PTH2R: variants seen among roughly 807,000 people sequenced by gnomAD.
PTH2R encodes the protein parathyroid hormone 2 receptor.
In PTH2R, 59 loss-of-function variants were observed where a neutral mutation model predicts 60.3. The ratio of observed to expected loss-of-function variants is 0.98; its 90% CI spans 0.79 to 1.22. The LOEUF is 1.22. Among genes scored for constraint, PTH2R ranks in the 50% most tolerant of loss-of-function variants. PTH2R has a pLI of 0.00. For missense variants in PTH2R, 749 were observed against 682.6 expected (o/e 1.10, Z -1.08); for synonymous variants, 256 against 243.8 (o/e 1.05, Z -0.47).
At position 208,426,315 on chromosome 2, in the gene PTH2R, A is replaced by G. The variant is rs1041903484; in HGVS notation, c.76-1886A>G. Among the ~76,000 whole-genome samples the G allele has an allele frequency of 4.6e-5, 7 of 152,218 alleles. No homozygotes were observed. In the East Asian group the frequency reaches 7.7e-4, roughly 17 times the overall value. On this transcript the variant is annotated intron_variant, in intron 1 of 12. Transcript: ENST00000272847. ...TACTAACATCTATTTTTCTAAATGTAACATTTTGTTTTGGGTGCAATTGTT... is the reference window on the plus strand; with the variant it reads ...TACTAACATCTATTTTTCTAAATGTGACATTTTGTTTTGGGTGCAATTGTT...
intron 1 of PTH2R, among the ~76,000 whole-genome samples, chr2:208,374,520 T>G (rs187531870): frequency 1.3e-5 from 2 of 152,248 alleles, no homozygotes; most frequent in East Asian, 3.8e-4. Flanking sequence ...TTATTTACTT[T>G]GAGATGGAGT....
At chr2:208,486,780 C>T (rs188012596) in intron 10 of PTH2R, among the ~76,000 whole-genome samples, 207 of 152,288 alleles carry the variant, frequency 1.4e-3, no homozygotes, top group Non-Finnish European at 2.4e-3. Flanking sequence ...GGAGCCCTGA[C>T]GGTTGAAAGG....
chr2:208,454,334 A>G (rs966128967), intron 8 of PTH2R, among the ~76,000 whole-genome samples: 1 of 152,112 alleles, frequency 6.6e-6, no homozygotes, highest in Non-Finnish European at 1.5e-5. Flanking sequence ...ATGTGACTCT[A>G]TTTGGAGATA....
intron 1 of PTH2R, among the ~76,000 whole-genome samples, chr2:208,418,213 A>G (rs1004997873): frequency 6.6e-6 from 1 of 152,116 alleles, no homozygotes; most frequent in Non-Finnish European, 1.5e-5. Flanking sequence ...CAAAAAAGAA[A>G]GCTTTACTAA....
chr2:208,489,225 T>C (rs1314063017), intron 11 of PTH2R, 75 bp downstream of exon 11: 8 of 1,562,972 alleles, frequency 5.1e-6, no homozygotes, highest in Non-Finnish European at 7.0e-6. Flanking sequence ...ACAACCTTTT[T>C]CTCTGCACTC....
chr2:208,460,529 C>T (rs1040067541), intron 9 of PTH2R, among the ~76,000 whole-genome samples: 1 of 152,132 alleles, frequency 6.6e-6, no homozygotes, highest in African/African-American at 2.4e-5. Flanking sequence ...TACTTTTTCA[C>T]TAACCTAATA....
intron 12 of PTH2R, 85 bp downstream of exon 12, chr2:208,490,765 A>T: frequency 7.8e-7 from 1 of 1,278,972 alleles, no homozygotes; most frequent in Non-Finnish European, 1.1e-6. Flanking sequence ...TAGAATTTCC[A>T]GGATTTCCAG....
chr2:208,422,906 A>C (rs1701785387), intron 1 of PTH2R, among the ~76,000 whole-genome samples: 1 of 152,092 alleles, frequency 6.6e-6, no homozygotes, highest in Non-Finnish European at 1.5e-5. Context: ...CTTCCTTTGC[A>C]CTTCCCACTC....
upstream of PTH2R, among the ~76,000 whole-genome samples, chr2:208,404,126 GAGA>G (rs1449810827): frequency 1.2e-4 from 19 of 152,334 alleles, no homozygotes; most frequent in South Asian, 3.7e-3. Context: ...GGAGAACAGA[GAGA>G]AGAAGAACAT....
chr2:208,370,679 A>G (rs1206891721), intron 1 of PTH2R, among the ~76,000 whole-genome samples: 1 of 151,992 alleles, frequency 6.6e-6, no homozygotes, highest in Non-Finnish European at 1.5e-5. Context: ...TACATAGGAA[A>G]TAATCCAAAT....
At position 208,428,314 on chromosome 2, in the gene PTH2R, C is replaced by G. The variant is rs775678407; in HGVS notation, c.178+11C>G. 5 of 1,596,450 alleles carry G rather than the reference C, an allele frequency of 3.1e-6. No homozygotes were observed. The highest frequency in any genetic ancestry group is 4.3e-6 in the Non-Finnish European group (5 of 1,166,298). Reference sequence around the variant, plus strand: ...AACTCCAGGAGGGAGGTAAAGATGCCAAGAAAATTGGCTCTCCTTGTGCCT... The same window carrying G: ...AACTCCAGGAGGGAGGTAAAGATGCGAAGAAAATTGGCTCTCCTTGTGCCT... On this transcript the variant is annotated intron_variant, in intron 2 of 12. Transcript: ENST00000272847.
chr2:208,456,421 A>G (rs116808787), intron 8 of PTH2R, among the ~76,000 whole-genome samples: 213 of 152,352 alleles, frequency 1.4e-3, no homozygotes, highest in African/African-American at 5.0e-3. Context: ...AGAGATGCCA[A>G]TGAGAGAAGA....
intron 7 of PTH2R, among the ~76,000 whole-genome samples, chr2:208,448,872 A>G (rs1450162874): frequency 6.6e-6 from 1 of 151,980 alleles, no homozygotes; most frequent in Non-Finnish European, 1.5e-5. Context: ...GGTAGTCTCT[A>G]TGCTAGTCTT....
intron 1 of PTH2R, among the ~76,000 whole-genome samples, chr2:208,394,671 C>T (rs368853826): frequency 8.5e-5 from 13 of 152,158 alleles, no homozygotes; most frequent in Admixed American, 4.6e-4. Context: ...AGAAAAACTA[C>T]GTAATTGAGC....
At chr2:208,387,914 G>A (rs1701031295) in intron 1 of PTH2R, among the ~76,000 whole-genome samples, 1 of 152,148 alleles carries the variant, frequency 6.6e-6, no homozygotes, top group East Asian at 1.9e-4. Flanking sequence ...TGGGTGCAGG[G>A]CCCCCTCTCA....
chr2:208,362,862 G>A (rs374171428), intron 1 of PTH2R, among the ~76,000 whole-genome samples: 27 of 140,046 alleles, frequency 1.9e-4, no homozygotes, highest in African/African-American at 6.2e-4. Context: ...GTGTGTGTGT[G>A]TTTAATGGCT....
intron 4 of PTH2R, among the ~76,000 whole-genome samples, chr2:208,438,109 T>G (rs1255838551): frequency 6.6e-6 from 1 of 151,222 alleles, no homozygotes. Flanking sequence ...CTTATACCTG[T>G]GTGTGTGTTA....
chr2:208,413,552 C>T (rs1021089392), intron 1 of PTH2R, among the ~76,000 whole-genome samples: 1 of 152,224 alleles, frequency 6.6e-6, no homozygotes, highest in African/African-American at 2.4e-5. Flanking sequence ...GCAAGAACTA[C>T]ACTTAATTAT....
exon 1 of PTH2R, chr2:208,360,112 C>T (rs1286557430): frequency 2.3e-5 from 9 of 390,384 alleles, no homozygotes; most frequent in Non-Finnish European, 4.1e-5. Flanking sequence ...GATTTTTTTC[C>T]CTCGAAAATG....
Sources: allele counts gnomAD v4.1 joint callset (sites outside exome capture counted in the v4.1 genomes callset), GRCh38; gene constraint gnomAD v4.1.1; transcripts MANE v1.5; gene names NCBI Gene and HGNC (gene_info 2026-07-23, HGNC 2026-07-21).